Variants in CCNT2 observed in about 807,000 individuals in gnomAD.
CCNT2 encodes the protein cyclin-T2.
Under a neutral mutation model 70.0 loss-of-function variants are expected in CCNT2, and 18 were observed. The ratio of observed to expected loss-of-function variants is 0.26; its 90% CI spans 0.18 to 0.38. The LOEUF is 0.38. Ranked by LOEUF, CCNT2 falls within the 10% of genes least tolerant of loss-of-function variation. The pLI, the probability that CCNT2 is intolerant of heterozygous loss-of-function variation, is 1.00. For synonymous variants in CCNT2, 334 were observed against 313.3 expected (o/e 1.07, Z -0.70); for missense variants, 734 against 890.2 (o/e 0.82, Z 2.23).
At chr2:134,932,204 C>T (rs919096853) in intron 2 of CCNT2, among the ~76,000 whole-genome samples, 1 of 151,832 alleles carries the variant, frequency 6.6e-6, no homozygotes, top group Non-Finnish European at 1.5e-5. Context: ...ATCTTGAACT[C>T]CTGACCTGTT....
At chr2:134,926,447 A>G (rs536187283) in intron 2 of CCNT2, among the ~76,000 whole-genome samples, 5 of 152,070 alleles carry the variant, frequency 3.3e-5, no homozygotes, top group South Asian at 2.1e-4. Context: ...TTTCCTCCCA[A>G]TGGTTTCTCT....
intron 5 of CCNT2, 112 bp downstream of exon 5, chr2:134,942,786 G>T: frequency 7.2e-7 from 1 of 1,385,206 alleles, no homozygotes; most frequent in Non-Finnish European, 9.5e-7. Context: ...TTAAAATTAG[G>T]GAGAAATGTC....
At chr2:134,950,400 G>A (rs980102789) in intron 7 of CCNT2, among the ~76,000 whole-genome samples, 15 of 152,088 alleles carry the variant, frequency 9.9e-5, no homozygotes, top group African/African-American at 1.7e-4. Flanking sequence ...AGGTGTGGCC[G>A]GGTGCAGTCA....
At chr2:134,945,947 T>A in intron 5 of CCNT2, 154 bp from the exon 6 acceptor site, 1 of 1,547,222 alleles carries the variant, frequency 6.5e-7, no homozygotes, top group Non-Finnish European at 8.7e-7. Flanking sequence ...TTCAGTAGTA[T>A]AGAAAATGAT....
intron 7 of CCNT2, among the ~76,000 whole-genome samples, chr2:134,949,268 C>T (rs1682252486): frequency 6.6e-6 from 1 of 152,204 alleles, no homozygotes; most frequent in Non-Finnish European, 1.5e-5. Flanking sequence ...AGGTTTGAGC[C>T]TCTGTGCCCC....
In CCNT2 at chr2:134,928,274, C is replaced by CTTTTTTTTTTTTTTTTTTTTTTTTTTT. The variant is rs551173090; in HGVS notation, c.240+8402_240+8403insTTTTTTTTTTTTTTTTTTTTTTTTTTT. On this transcript the variant is annotated intron_variant, in intron 2 of 8. Coordinates refer to ENST00000264157, the MANE Select transcript of CCNT2 (RefSeq NM_058241.3). ...CCATGCCCGGCCTCACATTGTATTT[C>CTTTTTTTTTTTTTTTTTTTTTTTTTTT]TTTTTTTTTTTTTTTTTTTCTGAGA... Among the ~76,000 whole-genome samples the CTTTTTTTTTTTTTTTTTTTTTTTTTTT allele has an allele frequency of 3.7e-4, 36 of 96,394 alleles. 3 individuals are homozygous for CTTTTTTTTTTTTTTTTTTTTTTTTTTT. The highest frequency in any genetic ancestry group is 5.1e-4 in the Non-Finnish European group (25 of 49,292). The allele number at this position is 96,394 out of a possible 152,430, so 63.2% of individuals were successfully genotyped here.
At position 134,954,168 on chromosome 2, in the gene CCNT2, C is replaced by T. The variant is rs547014345; in HGVS notation, c.1713C>T (p.Ser571=). ...KEHPSSRHHT[S]SHKHSHSHSG... The stretch of plus-strand genomic sequence containing the variant: ...ATCCTTCAAGCCGCCACCACACCAG[C>T]AGCCACAAGCATTCCCACTCGCATA... Residue 571 remains serine (S), a synonymous_variant, in exon 9 of 9, where the codon AGC becomes AGT. Coordinates refer to ENST00000264157, the MANE Select transcript of CCNT2 (RefSeq NM_058241.3). The T allele has an allele frequency of 9.3e-6, 15 of 1,614,210 alleles. No homozygotes were observed. The highest frequency in any genetic ancestry group is 1.7e-5 in the Admixed American group (1 of 60,018).
intron 7 of CCNT2, among the ~76,000 whole-genome samples, chr2:134,949,803 G>GT (rs1553525569): frequency 6.3e-5 from 4 of 63,702 alleles, no homozygotes; most frequent in Non-Finnish European, 9.1e-5. Context: ...TTTTTTTTTC[G>GT]GGGGGGGGGT....
chr2:134,945,396 CTT>C (rs1471203822), intron 5 of CCNT2: 11 of 985,298 alleles, frequency 1.1e-5, no homozygotes, highest in Non-Finnish European at 1.2e-5. Context: ...GGAGGGAAAA[CTT>C]TTCAGTGTCT....
At chr2:134,931,262 CTTT>C (rs112471982) in intron 2 of CCNT2, among the ~76,000 whole-genome samples, 19 of 42,418 alleles carry the variant, frequency 4.5e-4, no homozygotes, top group South Asian at 2.1e-3. Context: ...ATGCCCGGAT[CTTT>C]TTTTTTTTTT....
intron 2 of CCNT2, among the ~76,000 whole-genome samples, chr2:134,920,651 C>T (rs1225509420): frequency 1.3e-5 from 2 of 152,224 alleles, no homozygotes; most frequent in East Asian, 3.9e-4. Context: ...AAGAAAATTG[C>T]ATATTGTTTA....
At chr2:134,949,239 C>T (rs1381597797) in intron 7 of CCNT2, among the ~76,000 whole-genome samples, 1 of 152,166 alleles carries the variant, frequency 6.6e-6, no homozygotes, top group African/African-American at 2.4e-5. Flanking sequence ...GTCTTAGCCT[C>T]CCAAAGGGCT....
At chr2:134,920,436 T>G (rs926340419) in intron 2 of CCNT2, 1 of 152,346 alleles carries the variant, frequency 6.6e-6, no homozygotes, top group African/African-American at 2.4e-5. Flanking sequence ...TTTGGGTGAT[T>G]CAAACGTCCA....
chr2:134,925,583 G>C (rs1289847576), intron 2 of CCNT2, among the ~76,000 whole-genome samples: 1 of 152,082 alleles, frequency 6.6e-6, no homozygotes, highest in Non-Finnish European at 1.5e-5. Flanking sequence ...CTATGTTGTT[G>C]TATTTATTCA....
intron 2 of CCNT2, among the ~76,000 whole-genome samples, chr2:134,923,267 C>G (rs928698759): frequency 1.7e-4 from 26 of 151,968 alleles, no homozygotes; most frequent in African/African-American, 6.3e-4. Context: ...GGCAACAGAA[C>G]GAGACTCTAT....
At chr2:134,922,600 A>T (rs1679992108) in intron 2 of CCNT2, among the ~76,000 whole-genome samples, 1 of 152,172 alleles carries the variant, frequency 6.6e-6, no homozygotes, top group Non-Finnish European at 1.5e-5. Flanking sequence ...GGTTCATGTA[A>T]TTGGAATTAA....
Position 134,959,251 on chromosome 2 carries a change from A to G in CCNT2, c.*4603A>G, listed in dbSNP as rs1683079809. 6.6e-6 allele frequency: 1 copy of G among 152,150 alleles called. No homozygotes were observed. Among genetic ancestry groups the G allele is most frequent in the Admixed American group, 6.5e-5 (1 of 15,278 alleles). 9.4% of individuals were successfully genotyped at this position (152,150 alleles called of 1,614,324 possible). ...GATGTTTGCTAATAGAAAATCTAAA[A>G]CAGGAATATGTGTATATGGCATGAA... On this transcript the variant is annotated 3_prime_UTR_variant, in exon 9 of 9. Transcript: ENST00000264157.
chr2:134,946,870 G>A (rs1302333831), intron 6 of CCNT2, among the ~76,000 whole-genome samples: 1 of 152,012 alleles, frequency 6.6e-6, no homozygotes, highest in Non-Finnish European at 1.5e-5. Context: ...CTTTTTGAGT[G>A]GATCATTGGG....
At chr2:134,949,807 G>GC (rs1553525615) in intron 7 of CCNT2, among the ~76,000 whole-genome samples, 1 of 137,496 alleles carries the variant, frequency 7.3e-6, no homozygotes, top group African/African-American at 2.7e-5. Flanking sequence ...TTTTTCGGGG[G>GC]GGGGGTGGGG....
Sources: gnomAD v4.1 joint callset for allele counts (sites outside exome capture counted in the v4.1 genomes callset) on GRCh38, gnomAD v4.1.1 for gene constraint, MANE v1.5 for transcripts, NCBI Gene and HGNC (gene_info 2026-07-23, HGNC 2026-07-21) for gene names.